The following TPCN1 variants were observed in gnomAD, a reference collection of about 807,000 sequenced individuals.
The protein encoded by TPCN1 is two pore channel protein 1.
TPCN1 carries 52 observed loss-of-function variants against 108.8 expected under a neutral mutation model. That is an observed-to-expected ratio of 0.48 (90% confidence interval 0.38 to 0.60). TPCN1 has a LOEUF of 0.60. Among genes scored for constraint, TPCN1 ranks in the 20% least tolerant of loss-of-function variants. TPCN1 has a pLI of 0.00. For missense variants in TPCN1, 806 were observed against 1,072.8 expected, an observed-to-expected ratio of 0.75 and a Z score of 3.47; for synonymous variants, 446 against 433.7, an observed-to-expected ratio of 1.03 and a Z score of -0.35.
intron 3 of TPCN1, among the ~76,000 whole-genome samples, chr12:113,264,405 A>T (rs559020248): frequency 6.6e-6 from 1 of 152,158 alleles, no homozygotes; most frequent in Non-Finnish European, 1.5e-5. Context: ...TGGGCCGAGC[A>T]TGGTGGCTCA....
intron 2 of TPCN1, among the ~76,000 whole-genome samples, chr12:113,227,596 CT>C (rs1458974559): frequency 4.6e-5 from 7 of 152,158 alleles, no homozygotes; most frequent in South Asian, 2.1e-4. Context: ...CCTTGAAAAC[CT>C]TTCTGGTTCT....
At chr12:113,286,921 G>C in intron 18 of TPCN1, 66 bp from the exon 19 acceptor site, 2 of 1,184,426 alleles carry the variant, frequency 1.7e-6, no homozygotes, top group Non-Finnish European at 2.5e-6. Flanking sequence ...CACAGGGCCA[G>C]GGAGGGGAGC....
In TPCN1 at chr12:113,288,261, C is replaced by T. The variant is rs759163361; in HGVS notation, c.1706+27C>T. The stretch of plus-strand genomic sequence containing the variant: ...TACTGCCAGCCCCCACCCTGGCCTG[C>T]AGGTCCAGGTGCCGTGTGGCAGTGC... On this transcript the variant is annotated intron_variant, in intron 20 of 27. Coordinates refer to ENST00000335509, the MANE Select transcript of TPCN1 (RefSeq NM_017901.6). The surrounding 1 kb of genome is among the most constrained non-coding windows in gnomAD (Gnocchi z 4.8). The T allele has an allele frequency of 1.2e-6, 2 of 1,613,144 alleles. No individual in the cohort carries two copies. The highest frequency in any genetic ancestry group is 1.3e-5 in the African/African-American group (1 of 74,934).
At chr12:113,241,909 A>G (rs920974634) in intron 2 of TPCN1, among the ~76,000 whole-genome samples, 19 of 152,292 alleles carry the variant, frequency 1.2e-4, no homozygotes, top group African/African-American at 4.6e-4. Context: ...GTGAGTGAGC[A>G]GTGGCAGGGA....
At chr12:113,267,679 G>T (rs988102799) in intron 4 of TPCN1, among the ~76,000 whole-genome samples, 164 bp from the exon 5 acceptor site, 1 of 152,114 alleles carries the variant, frequency 6.6e-6, no homozygotes, top group Non-Finnish European at 1.5e-5. Context: ...GGAAAGCTCC[G>T]TGACCAAGGC....
chr12:113,288,475 A>C lies in TPCN1; in HGVS notation c.1706+241A>C, dbSNP rs369338538. 2.7e-6 allele frequency: 4 copies of C among 1,499,568 alleles called. No individual in the cohort carries two copies. The highest frequency in any genetic ancestry group is 1.4e-5 in the African/African-American group (1 of 72,140). The allele number at this position is 1,499,568 out of a possible 1,614,324, so 92.9% of individuals were successfully genotyped here. Reference sequence around the variant, plus strand: ...GCAGGGAGCTGTCAACTCGCTTACCACCTGTGTCTACATTCACAGGTAAGG... The same window carrying C: ...GCAGGGAGCTGTCAACTCGCTTACCCCCTGTGTCTACATTCACAGGTAAGG... On this transcript the variant is annotated intron_variant, in intron 20 of 27. Coordinates refer to ENST00000335509, the MANE Select transcript of TPCN1 (RefSeq NM_017901.6). The surrounding 1 kb of genome is among the most constrained non-coding windows in gnomAD (Gnocchi z 4.8).
Position 113,266,116 on chromosome 12 carries a change from G to T in TPCN1, c.238-64G>T, listed in dbSNP as rs552257504. The T allele has an allele frequency of 1.3e-6, 2 of 1,571,666 alleles. No individual in the cohort carries two copies. Among genetic ancestry groups the T allele is most frequent in the Non-Finnish European group, 8.7e-7 (1 of 1,150,498 alleles). ...GGCCTTCCTTTCCTCCCCTGCCCGC[G>T]GCTCCTCTTTGGCGTTGGATGGGTC... is the stretch of plus-strand genomic sequence containing the variant. On this transcript the variant is annotated intron_variant, in intron 3 of 27. Coordinates refer to ENST00000335509, the MANE Select transcript of TPCN1 (RefSeq NM_017901.6). This position sits in a 1 kb window ranked among gnomAD's most constrained non-coding sequence, Gnocchi z 4.2.
rs137937954 is a variant in TPCN1, at chr12:113,285,126, T to C, written c.1453+355T>C. On this transcript the variant is annotated intron_variant, in intron 17 of 27. Transcript: ENST00000335509. ...GGGTTTCCTCTGCCTGGTGGTGTCT[T>C]CCTCTAACCTCTGCCTGACTTTCCT... 3.6e-3 allele frequency among the ~76,000 whole-genome samples: 554 copies of C among 152,338 alleles called. 3 individuals carry two copies. The highest frequency in any genetic ancestry group is 0.013 in the African/African-American group (528 of 41,584).
At position 113,269,869 on chromosome 12, in the gene TPCN1, A is replaced by C; in HGVS notation, c.748+24A>C. The C allele has an allele frequency of 6.2e-7, 1 of 1,611,852 alleles. No individual in the cohort carries two copies. Among genetic ancestry groups the C allele is most frequent in the East Asian group, 2.2e-5 (1 of 44,840 alleles). On this transcript the variant is annotated intron_variant, in intron 7 of 27. Coordinates refer to ENST00000335509, the MANE Select transcript of TPCN1 (RefSeq NM_017901.6). The surrounding 1 kb of genome is among the most constrained non-coding windows in gnomAD (Gnocchi z 5.0). ...CGGTGAGTTCCCGCCTCTCAGGCCC[A>C]GGTGCGCTGGAAAAGCAAGTTCACG...
rs1955541259 is a variant in TPCN1 at position 113,272,645 on chromosome 12, C to T, written c.749-13C>T. 3 of 1,613,364 alleles carry T rather than the reference C, an allele frequency of 1.9e-6. No homozygotes were observed. Among genetic ancestry groups the T allele is most frequent in the South Asian group, 1.1e-5 (1 of 91,066 alleles). On this transcript the variant is annotated splice_polypyrimidine_tract_variant and intron_variant, in intron 7 of 27. Transcript: ENST00000335509. The surrounding 1 kb of genome is among the most constrained non-coding windows in gnomAD (Gnocchi z 4.1). ...TCTAATCCTTTTGTTTATCTGTTTC[C>T]ACCCACTTCTAGGTTTCTACTTGTT... is the stretch of plus-strand genomic sequence containing the variant.
rs1022039617 is a variant in TPCN1, at chr12:113,273,056, G to A, written c.784-176G>A. 3.9e-5 allele frequency among the ~76,000 whole-genome samples: 6 copies of A among 152,244 alleles called. No individual in the cohort carries two copies. Among genetic ancestry groups the A allele is most frequent in the Admixed American group, 3.9e-4 (6 of 15,288 alleles). On this transcript the variant is annotated intron_variant, in intron 8 of 27. Transcript: ENST00000335509. The surrounding 1 kb of genome is among the most constrained non-coding windows in gnomAD (Gnocchi z 4.0). ...GCTTCTGCCGGAAGCATCAGGTGCA[G>A]GAAAGGGGAGGCCTCTGGACTGCAT... is the stretch of plus-strand genomic sequence containing the variant.
chr12:113,269,700 GT>G lies in TPCN1; in HGVS notation c.660-56del. 1 of 1,492,500 alleles carries G rather than the reference GT, an allele frequency of 6.7e-7. No individual in the cohort carries two copies. The highest frequency in any genetic ancestry group is 9.3e-7 in the Non-Finnish European group (1 of 1,077,072). 92.5% of individuals were successfully genotyped at this position (1,492,500 alleles called of 1,614,324 possible). On this transcript the variant is annotated intron_variant, in intron 6 of 27. Coordinates refer to ENST00000335509, the MANE Select transcript of TPCN1 (RefSeq NM_017901.6). The surrounding 1 kb of genome is among the most constrained non-coding windows in gnomAD (Gnocchi z 5.0). Reference sequence around the variant, plus strand: ...TAGGCCTCCATCTCAACAAGGAGGAGTCCCAGGCAGCCCGCCCCAGCTGGTG... The same window carrying G: ...TAGGCCTCCATCTCAACAAGGAGGAGCCCAGGCAGCCCGCCCCAGCTGGTG...
intron 2 of TPCN1, among the ~76,000 whole-genome samples, chr12:113,241,542 C>T (rs1285314238): frequency 6.6e-6 from 1 of 152,194 alleles, no homozygotes; most frequent in African/African-American, 2.4e-5. Flanking sequence ...CTTGTTCTTC[C>T]GAGCACTGGC....
intron 7 of TPCN1, among the ~76,000 whole-genome samples, chr12:113,270,568 C>A (rs1377459364): frequency 6.6e-6 from 1 of 151,958 alleles, no homozygotes; most frequent in Non-Finnish European, 1.5e-5. Context: ...ACAACCTCTG[C>A]CTCCCAGGTT....
chr12:113,281,912 CTTTTTTT>C (rs1161003553), intron 15 of TPCN1, among the ~76,000 whole-genome samples: 15 of 119,656 alleles, frequency 1.3e-4, no homozygotes, highest in African/African-American at 1.3e-4. Flanking sequence ...ATTTGGATTT[CTTTTTTT>C]TTTTTTTTTT....
intron 2 of TPCN1, among the ~76,000 whole-genome samples, chr12:113,246,699 C>T (rs535475716): frequency 6.6e-6 from 1 of 152,346 alleles, no homozygotes; most frequent in South Asian, 2.1e-4. Flanking sequence ...GTCCTGTCTT[C>T]TCAAGCTGGG....
At chr12:113,226,176 C>A (rs1221447953) in intron 1 of TPCN1, among the ~76,000 whole-genome samples, 1 of 151,610 alleles carries the variant, frequency 6.6e-6, no homozygotes, top group African/African-American at 2.4e-5. Context: ...CCACCACAGC[C>A]TTCCAAAATG....
chr12:113,268,661 C>A lies in TPCN1; in HGVS notation c.529-81C>A. The A allele has an allele frequency of 6.4e-7, 1 of 1,563,072 alleles. No individual in the cohort carries two copies. ...CTCCCGAGGCCAGAGTGGGCACTGC[C>A]TCTCCAGCCCCCCGTTCCAGGTATG... On this transcript the variant is annotated intron_variant, in intron 5 of 27. Coordinates refer to ENST00000335509, the MANE Select transcript of TPCN1 (RefSeq NM_017901.6). This position sits in a 1 kb window ranked among gnomAD's most constrained non-coding sequence, Gnocchi z 7.3.
At chr12:113,229,679 C>T (rs572373246) in intron 2 of TPCN1, among the ~76,000 whole-genome samples, 7 of 152,182 alleles carry the variant, frequency 4.6e-5, no homozygotes, top group African/African-American at 9.6e-5. Context: ...TTAGTGGAGA[C>T]GGGGGTTTTA....
Sources: gnomAD v4.1 joint callset for allele counts (sites outside exome capture counted in the v4.1 genomes callset) on GRCh38, gnomAD v4.1.1 for gene constraint, Gnocchi (gnomAD v3.1) non-coding constraint, MANE v1.5 for transcripts, NCBI Gene and HGNC (gene_info 2026-07-23, HGNC 2026-07-21) for gene names.